Variants in POU3F3 observed in about 807,000 individuals in gnomAD.
The protein encoded by POU3F3 is POU domain, class 3, transcription factor 3.
A neutral mutation model predicts 8.6 loss-of-function variants in POU3F3; 1 was observed. That is an observed-to-expected ratio of 0.12 (90% confidence interval 0.04 to 0.55). POU3F3 has a LOEUF of 0.55. Ranked by LOEUF, POU3F3 falls within the 20% of genes least tolerant of loss-of-function variation. The pLI is 0.91. For synonymous variants in POU3F3, 418 were observed against 327.4 expected (o/e 1.28, Z -2.99); for missense variants, 577 against 690.7 (o/e 0.84, Z 1.84).
the POU3F3 span, among the ~76,000 whole-genome samples, chr2:104,888,480 CTGT>C: frequency 6.6e-6 from 1 of 152,136 alleles, no homozygotes; most frequent in Admixed American, 6.5e-5. Context: ...AGGACATTTT[CTGT>C]TGTTGTTGAT....
chr2:104,888,780 C>G, the POU3F3 span, among the ~76,000 whole-genome samples: 113 of 152,240 alleles, frequency 7.4e-4, 1 homozygote, highest in African/African-American at 2.6e-3. Context: ...TTAACACCTG[C>G]AAATCTTGGC....
the POU3F3 span, among the ~76,000 whole-genome samples, chr2:104,896,045 C>A: frequency 6.6e-6 from 1 of 152,102 alleles, no homozygotes; most frequent in Non-Finnish European, 1.5e-5. Context: ...CAGTTAGCAC[C>A]GGGAAGCCTG....
the POU3F3 span, among the ~76,000 whole-genome samples, chr2:104,894,788 G>A: frequency 6.6e-6 from 1 of 152,182 alleles, no homozygotes; most frequent in African/African-American, 2.4e-5. Context: ...ATGCTAAGGG[G>A]AGCTGGTCTT....
At chr2:104,905,316 C>G in the POU3F3 span, among the ~76,000 whole-genome samples, 1 of 152,134 alleles carries the variant, frequency 6.6e-6, no homozygotes, top group Non-Finnish European at 1.5e-5. Context: ...AGTACATAGA[C>G]TATTTTACAA....
the POU3F3 span, among the ~76,000 whole-genome samples, chr2:104,900,937 A>G: frequency 5.9e-5 from 9 of 152,322 alleles, no homozygotes; most frequent in Admixed American, 2.6e-4. Context: ...TCCTGCCCAT[A>G]TCACTTTATT....
chr2:104,910,599 T>C, the POU3F3 span, among the ~76,000 whole-genome samples: 1 of 152,210 alleles, frequency 6.6e-6, no homozygotes, highest in African/African-American at 2.4e-5. Context: ...GTGAAGTGCT[T>C]AGTAGGCTGC....
chr2:104,909,588 T>C, the POU3F3 span, among the ~76,000 whole-genome samples: 1 of 152,248 alleles, frequency 6.6e-6, no homozygotes, highest in Non-Finnish European at 1.5e-5. Flanking sequence ...GGCTGTGCCC[T>C]TCACAGCTGC....
At chr2:104,912,501 C>T in the POU3F3 span, among the ~76,000 whole-genome samples, 3 of 152,200 alleles carry the variant, frequency 2.0e-5, no homozygotes, top group Admixed American at 6.5e-5. Context: ...ATAATCTGCT[C>T]AGATTCAATA....
chr2:104,867,818 C>T, the POU3F3 span: 23 of 170,080 alleles, frequency 1.4e-4, no homozygotes, highest in Non-Finnish European at 2.8e-4. This position sits in a 1 kb window ranked among gnomAD's most constrained non-coding sequence, Gnocchi z 5.0. Context: ...CTGAGTCACC[C>T]GAGCTGCAGA....
In POU3F3 at chr2:104,856,546, G is replaced by T; in HGVS notation, c.1036G>T (p.Ala346Ser). 6.2e-7 allele frequency: 1 copy of T among 1,614,134 alleles called. No homozygotes were observed. The highest frequency in any genetic ancestry group is 8.5e-7 in the Non-Finnish European group (1 of 1,180,030). The change falls in exon 1 of 1, where the codon GCG (alanine) becomes TCG (serine). Residue 346 changes from alanine to serine, a missense_variant. Ala to Ser is a moderately conservative substitution (Grantham distance 99, BLOSUM62 1). Coordinates refer to ENST00000361360, the MANE Select transcript of POU3F3 (RefSeq NM_006236.3). The part of the protein sequence containing the change: ...LGFTQADVGL[A>S]LGTLYGNVFS... Reference sequence around the variant, plus strand: ...CTTCACGCAGGCCGACGTGGGGTTGGCGCTGGGCACACTCTACGGCAACGT... The same window carrying T: ...CTTCACGCAGGCCGACGTGGGGTTGTCGCTGGGCACACTCTACGGCAACGT...
the POU3F3 span, among the ~76,000 whole-genome samples, chr2:104,916,485 C>T: frequency 6.6e-6 from 1 of 152,162 alleles, no homozygotes; most frequent in African/African-American, 2.4e-5. Context: ...GCTGAGGCTC[C>T]ATTTGTCTCA....
rs1220167134 is a variant in POU3F3, at chr2:104,855,459, T to TGCGGCG, written c.-41_-36dup. On this transcript the variant is annotated 5_prime_UTR_variant, in exon 1 of 1. Transcript: ENST00000361360. ...CGGCGGCGGCGGCCGCGGCTGCTGC[T>TGCGGCG]GCGGCGGCGGCGGCGGTGGTGGCGG... The TGCGGCG allele has an allele frequency of 3.8e-6, 3 of 788,480 alleles. No homozygotes were observed. Among genetic ancestry groups the TGCGGCG allele is most frequent in the South Asian group, 6.0e-5 (1 of 16,784 alleles). 48.8% of individuals were successfully genotyped at this position (788,480 alleles called of 1,614,324 possible).
Position 104,857,231 on chromosome 2 carries a change from G to A in POU3F3, c.*218G>A. Reference sequence around the variant, plus strand: ...TGCCCGCCCTTGGAGGAGAAAACGCGGGAGAAACGGACCAAGGAGGCATTT... The same window carrying A: ...TGCCCGCCCTTGGAGGAGAAAACGCAGGAGAAACGGACCAAGGAGGCATTT... On this transcript the variant is annotated 3_prime_UTR_variant, in exon 1 of 1. Transcript: ENST00000361360. 2 of 422,004 alleles carry A rather than the reference G, an allele frequency of 4.7e-6. No individual in the cohort carries two copies. Among genetic ancestry groups the A allele is most frequent in the Non-Finnish European group, 6.4e-6 (2 of 313,440 alleles). 26.1% of individuals were successfully genotyped at this position (422,004 alleles called of 1,614,324 possible).
chr2:104,856,215 C>A lies in POU3F3; in HGVS notation c.705C>A (p.Ser235Arg). The A allele has an allele frequency of 1.6e-6, 2 of 1,267,600 alleles. No homozygotes were observed. The highest frequency in any genetic ancestry group is 3.0e-5 in the South Asian group (1 of 33,574). 78.5% of individuals were successfully genotyped at this position (1,267,600 alleles called of 1,614,324 possible). A position where few individuals can be genotyped will look rare whatever the true frequency, so the allele number is the denominator to read the frequency against. ...PGGFTVNGMLSAPPGPGGGGG... is the reference protein window; with the variant it reads ...PGGFTVNGMLRAPPGPGGGGG... ...GCTTCACGGTGAACGGCATGCTGAG[C>A]GCGCCACCGGGGCCCGGCGGCGGCG... The change falls in exon 1 of 1, where the codon AGC becomes AGA. Residue 235 changes from serine to arginine, a missense_variant. Physicochemically the swap from Ser to Arg is moderately radical, Grantham distance 110. Around this residue, in one of 7 missense-constraint regions of POU3F3, gnomAD observed 484 missense variants for 422.6 expected, o/e 1.15. Coordinates refer to ENST00000361360, the MANE Select transcript of POU3F3 (RefSeq NM_006236.3).
the POU3F3 span, among the ~76,000 whole-genome samples, chr2:104,917,480 G>A: frequency 5.3e-5 from 8 of 152,160 alleles, no homozygotes; most frequent in Admixed American, 1.3e-4. Context: ...GTATAAGAGA[G>A]GGGCCTGAGC....
the POU3F3 span, among the ~76,000 whole-genome samples, chr2:104,896,967 CA>C: frequency 1.3e-5 from 2 of 152,202 alleles, no homozygotes; most frequent in Non-Finnish European, 1.5e-5. Context: ...TGCCCTTTTT[CA>C]GGGGCAGTCC....
At chr2:104,880,335 C>T in the POU3F3 span, among the ~76,000 whole-genome samples, 1 of 152,148 alleles carries the variant, frequency 6.6e-6, no homozygotes, top group Non-Finnish European at 1.5e-5. Flanking sequence ...AAAACCCTCC[C>T]TTGGCTCCAT....
rs1676584578 is a variant in POU3F3 at position 104,857,131 on chromosome 2, C to G, written c.*118C>G. On this transcript the variant is annotated 3_prime_UTR_variant, in exon 1 of 1. Transcript: ENST00000361360. Reference sequence around the variant, plus strand: ...GCCGCCGCCGCTGCCGCCGCCGCGCCGACCCTGCACCTGGGCCGCTCCGGG... The same window carrying G: ...GCCGCCGCCGCTGCCGCCGCCGCGCGGACCCTGCACCTGGGCCGCTCCGGG... 3.1e-6 allele frequency: 3 copies of G among 959,344 alleles called. No homozygotes were observed. Among genetic ancestry groups the G allele is most frequent in the Non-Finnish European group, 3.7e-6 (3 of 807,372 alleles). The allele number at this position is 959,344 out of a possible 1,614,324, so 59.4% of individuals were successfully genotyped here.
the POU3F3 span, among the ~76,000 whole-genome samples, chr2:104,920,716 T>C: frequency 2.0e-5 from 3 of 152,222 alleles, no homozygotes; most frequent in African/African-American, 7.2e-5. Flanking sequence ...TATCAGATTC[T>C]ATTTTATTTG....
Sources: allele counts gnomAD v4.1 joint callset (sites outside exome capture counted in the v4.1 genomes callset), GRCh38; gene constraint gnomAD v4.1.1; regional missense constraint gnomAD v4.1.1; non-coding constraint Gnocchi (gnomAD v3.1); transcripts MANE v1.5; gene names NCBI Gene and HGNC (gene_info 2026-07-23, HGNC 2026-07-21).